CDCP1: variants seen among roughly 807,000 people sequenced by gnomAD.
The protein encoded by CDCP1 is CUB domain containing protein 1.
In CDCP1, 29 loss-of-function variants were observed where a neutral mutation model predicts 60.2. That is an observed-to-expected ratio of 0.48 (90% CI 0.36 to 0.66). CDCP1 has a LOEUF of 0.66. CDCP1 is among the 30% of genes least tolerant of loss of function. CDCP1 has a pLI of 0.00. For synonymous variants in CDCP1, 387 were observed against 431.1 expected, an observed-to-expected ratio of 0.90 and a Z score of 1.27; for missense variants, 876 against 1,074.3, an observed-to-expected ratio of 0.82 and a Z score of 2.58.
chr3:45,118,071 T>C (rs181985215), intron 2 of CDCP1, among the ~76,000 whole-genome samples: 72 of 152,356 alleles, frequency 4.7e-4, no homozygotes, highest in African/African-American at 1.6e-3. Context: ...TCTGTAGTGC[T>C]GCCTGAAGAG....
rs780210192 is a variant in CDCP1, at chr3:45,110,769, C to T, written c.728G>A (p.Gly243Asp). The change falls in exon 4 of 9, where the codon GGC (glycine) becomes GAC (aspartate). Residue 243 changes from glycine (G) to aspartate (D), a missense_variant. Coordinates refer to ENST00000296129, the MANE Select transcript of CDCP1 (RefSeq NM_022842.5). ...ATLMSANYPE[G>D]FPEDELMTWQ... is the part of the protein sequence containing the mutation. ...CGTCATGAGCTCATCCTCAGGGAAG[C>T]CTTCTGGGTAGTTGGCAGACATCAG... is the stretch of plus-strand genomic sequence containing the variant. 3.1e-6 allele frequency: 5 copies of T among 1,614,138 alleles called. No individual in the cohort carries two copies. The highest frequency in any genetic ancestry group is 1.1e-5 in the South Asian group (1 of 91,084).
At chr3:45,144,066 G>A (rs779432061) in intron 1 of CDCP1, among the ~76,000 whole-genome samples, 1 of 152,128 alleles carries the variant, frequency 6.6e-6, no homozygotes, top group Non-Finnish European at 1.5e-5. Context: ...ACCAAATGGA[G>A]GTTTTCAAAA....
intron 1 of CDCP1, among the ~76,000 whole-genome samples, chr3:45,134,315 G>C (rs1008488923): frequency 6.6e-6 from 1 of 152,112 alleles, no homozygotes; most frequent in South Asian, 2.1e-4. Flanking sequence ...TAGTAGAGAC[G>C]GGGTTTCACC....
chr3:45,089,120 G>A lies in CDCP1; in HGVS notation c.2015C>T (p.Ala672Val), dbSNP rs1204881045. Residue 672 changes from alanine to valine, a missense_variant, in exon 8 of 9, where the codon GCA (alanine) becomes GTA (valine). By Grantham distance (64) the Ala-to-Val change is moderately conservative. This residue lies in a region of CDCP1 where 726 missense variants were observed against 935.7 expected (regional missense o/e 0.78). Coordinates refer to ENST00000296129, the MANE Select transcript of CDCP1 (RefSeq NM_022842.5). ...RTVDLTVILI[A>V]AVGGGVLLLS... ...CAGTAAGACTCCACCTCCCACCGCT[G>A]CGATGAGGATGACAGTCAAGTCTGT... 51 of 1,613,968 alleles carry A rather than the reference G, an allele frequency of 3.2e-5. 1 individual carries two copies. In the Admixed American group the frequency reaches 8.3e-4, roughly 26 times the overall value.
intron 1 of CDCP1, among the ~76,000 whole-genome samples, chr3:45,124,859 C>G (rs763860946): frequency 3.5e-4 from 53 of 152,190 alleles, no homozygotes; most frequent in Non-Finnish European, 7.1e-4. Flanking sequence ...CAAGGGGACA[C>G]ACACACCATT....
intron 1 of CDCP1, among the ~76,000 whole-genome samples, chr3:45,124,353 C>T (rs1362704143): frequency 2.6e-5 from 4 of 152,124 alleles, no homozygotes; most frequent in Admixed American, 1.3e-4. Context: ...GAACAAGTTG[C>T]CTCAATTCTG....
intron 1 of CDCP1, among the ~76,000 whole-genome samples, chr3:45,126,486 GA>G: frequency 6.6e-6 from 1 of 152,226 alleles, no homozygotes; most frequent in Admixed American, 6.5e-5. Context: ...TAAAGGCATA[GA>G]GAGACAACTG....
At chr3:45,109,122 G>T (rs1576095523) in intron 4 of CDCP1, among the ~76,000 whole-genome samples, 1 of 150,578 alleles carries the variant, frequency 6.6e-6, no homozygotes, top group African/African-American at 2.4e-5. Context: ...GCTAATTTTT[G>T]ACTTTTTTGT....
At chr3:45,146,066 T>C in intron 1 of CDCP1, 140 bp downstream of exon 1, 1 of 746,492 alleles carries the variant, frequency 1.3e-6, no homozygotes, top group Non-Finnish European at 2.0e-6. Flanking sequence ...CCCGCGCATT[T>C]TGACTACGCC....
intron 1 of CDCP1, among the ~76,000 whole-genome samples, chr3:45,131,768 A>C (rs1699098384): frequency 6.6e-6 from 1 of 152,224 alleles, no homozygotes; most frequent in African/African-American, 2.4e-5. Context: ...GGTCACGAAA[A>C]ATAAGGATTT....
intron 4 of CDCP1, among the ~76,000 whole-genome samples, chr3:45,101,687 G>A (rs1259713542): frequency 1.3e-5 from 2 of 152,124 alleles, no homozygotes; most frequent in Non-Finnish European, 2.9e-5. Context: ...AGGAGTTCGA[G>A]ACCAGCCTGG....
chr3:45,133,043 G>A (rs1238051318), intron 1 of CDCP1, among the ~76,000 whole-genome samples: 2 of 152,206 alleles, frequency 1.3e-5, no homozygotes, highest in African/African-American at 2.4e-5. Flanking sequence ...GAGAAAAGGA[G>A]TCGATGTGTG....
chr3:45,091,471 G>T lies in CDCP1; in HGVS notation c.1695C>A (p.Asp565Glu). ...CAGAGGTGAGGGATGGCAGGCCCCG[G>T]TCCCAGTTGGGGGTCCTCAGGTAGA... Reference protein sequence around the residue: ...SKVYLRTPNWDRGLPSLTSVS... With the variant: ...SKVYLRTPNWERGLPSLTSVS... Residue 565 changes from aspartate (D) to glutamate (E), a missense_variant, in exon 7 of 9, where the codon GAC becomes GAA. Asp to Glu is a conservative substitution (Grantham distance 45). Around this residue, in one of 2 missense-constraint regions of CDCP1, gnomAD observed 726 missense variants for 935.7 expected, o/e 0.78. Transcript: ENST00000296129. This position sits in a 1 kb window ranked among gnomAD's most constrained non-coding sequence, Gnocchi z 4.8. 1.2e-6 allele frequency: 2 copies of T among 1,610,406 alleles called. No homozygotes were observed. Among genetic ancestry groups the T allele is most frequent in the Non-Finnish European group, 1.7e-6 (2 of 1,178,174 alleles).
At position 45,085,523 on chromosome 3, in the gene CDCP1, T is replaced by A. The variant is rs1698172846; in HGVS notation, c.*115A>T. 1 of 1,116,918 alleles carries A rather than the reference T, an allele frequency of 9.0e-7. No homozygotes were observed. Among genetic ancestry groups the A allele is most frequent in the Non-Finnish European group, 1.3e-6 (1 of 772,072 alleles). The allele number at this position is 1,116,918 out of a possible 1,614,324, so 69.2% of individuals were successfully genotyped here. On this transcript the variant is annotated 3_prime_UTR_variant, in exon 9 of 9. Transcript: ENST00000296129. The surrounding 1 kb of genome is among the most constrained non-coding windows in gnomAD (Gnocchi z 4.2). ...GAAGTTGGCGGTGTCCAGGAAAACCTCCTGCTGTTCCTTCTGTATAATTCC... is the reference window on the plus strand; with the variant it reads ...GAAGTTGGCGGTGTCCAGGAAAACCACCTGCTGTTCCTTCTGTATAATTCC...
At position 45,093,322 on chromosome 3, in the gene CDCP1, C is replaced by G. The variant is rs199965821; in HGVS notation, c.1582G>C (p.Ala528Pro). ...RTFAPSFQQEASRQGLTVSFI... is the reference protein window; with the variant it reads ...RTFAPSFQQEPSRQGLTVSFI... ...GACACCGTCAGACCCTGCCTGGAGG[C>G]CTCTTGTTGGAAGCTGGGGGCAAAG... Residue 528 changes from alanine to proline, a missense_variant, in exon 6 of 9, where the codon GCC becomes CCC. Ala to Pro is a conservative substitution (Grantham distance 27, BLOSUM62 -1). Transcript: ENST00000296129. The G allele has an allele frequency of 6.2e-7, 1 of 1,614,180 alleles. No individual in the cohort carries two copies. Among genetic ancestry groups the G allele is most frequent in the Admixed American group, 1.7e-5 (1 of 60,030 alleles).
intron 4 of CDCP1, 153 bp downstream of exon 4, chr3:45,110,320 C>A (rs1698664547): frequency 6.9e-7 from 1 of 1,445,962 alleles, no homozygotes; most frequent in Non-Finnish European, 9.1e-7. Flanking sequence ...AACTGCCTAG[C>A]AACCCACTTC....
chr3:45,094,066 T>G lies in CDCP1; in HGVS notation c.1247-409A>C, dbSNP rs9813234. Among the ~76,000 whole-genome samples, 271 of 152,180 alleles carry G rather than the reference T, an allele frequency of 1.8e-3. 1 individual carries two copies. The highest frequency in any genetic ancestry group is 0.01 in the Middle Eastern group (3 of 294). The stretch of plus-strand genomic sequence containing the variant: ...AGCTGTGAGTGGCGTTGGGGAGATG[T>G]TAGTTCGTCTTCTGGCTCTGCCACT... On this transcript the variant is annotated intron_variant, in intron 5 of 8. Transcript: ENST00000296129.
At chr3:45,144,663 T>C (rs1699349515) in intron 1 of CDCP1, among the ~76,000 whole-genome samples, 1 of 152,222 alleles carries the variant, frequency 6.6e-6, no homozygotes, top group Non-Finnish European at 1.5e-5. Flanking sequence ...CTGGAAGAGT[T>C]CCCCACTGTT....
At chr3:45,143,996 T>C (rs756194110) in intron 1 of CDCP1, among the ~76,000 whole-genome samples, 8 of 152,154 alleles carry the variant, frequency 5.3e-5, no homozygotes, top group Non-Finnish European at 7.3e-5. Flanking sequence ...CAAGAGACAA[T>C]GGTGGCAAGA....
Sources: allele counts gnomAD v4.1 joint callset (sites outside exome capture counted in the v4.1 genomes callset), GRCh38; gene constraint gnomAD v4.1.1; regional missense constraint gnomAD v4.1.1; non-coding constraint Gnocchi (gnomAD v3.1); transcripts MANE v1.5; gene names NCBI Gene and HGNC (gene_info 2026-07-23, HGNC 2026-07-21).